SLC10A6: variants seen among roughly 807,000 people sequenced by gnomAD.
SLC10A6 encodes the protein sodium-dependent organic anion transporter.
Under a neutral mutation model 30.0 loss-of-function variants are expected in SLC10A6, and 27 were observed. The observed-to-expected ratio is 0.90, with a 90% CI of 0.66 to 1.24. The LOEUF (loss-of-function observed/expected upper bound fraction) is 1.24, where lower values mean the gene tolerates loss of function less well. Among genes scored for constraint, SLC10A6 ranks in the 50% most tolerant of loss-of-function variants. SLC10A6 has a pLI of 0.00. For synonymous variants in SLC10A6, 166 were observed against 173.8 expected (o/e 0.95, Z 0.36); for missense variants, 439 against 457.0 (o/e 0.96, Z 0.36).
chr4:86,837,280 AAAGAAAAAGAAAGG>A (rs1746208500), intron 1 of SLC10A6, among the ~76,000 whole-genome samples: 4 of 106,656 alleles, frequency 3.8e-5, no homozygotes, highest in East Asian at 2.5e-4. Flanking sequence ...AGAAAGAAAG[AAAGAAAAAGAAAGG>A]AAGGAAGGAA....
At chr4:86,848,604 G>A (rs1746431320) in intron 1 of SLC10A6, 135 bp downstream of exon 1, 1 of 1,186,458 alleles carries the variant, frequency 8.4e-7, no homozygotes, top group African/African-American at 1.5e-5. Flanking sequence ...GGCTGAACAA[G>A]TCTCTGTGAT....
At position 86,823,541 on chromosome 4, in the gene SLC10A6, T is replaced by C. The variant is rs1377897278; in HGVS notation, c.*147A>G. 3.0e-6 allele frequency: 2 copies of C among 662,268 alleles called. No individual in the cohort carries two copies. The highest frequency in any genetic ancestry group is 1.8e-5 in the African/African-American group (1 of 54,754). The allele number at this position is 662,268 out of a possible 1,614,324, so 41.0% of individuals were successfully genotyped here. A position where few individuals can be genotyped will look rare whatever the true frequency, so the allele number is the denominator to read the frequency against. ...TCTCCAAAAGTGATCCCATCACAAT[T>C]CACAATCCACATGAAAATATAAATA... On this transcript the variant is annotated 3_prime_UTR_variant, in exon 6 of 6. Transcript: ENST00000273905.
At position 86,831,807 on chromosome 4, in the gene SLC10A6, G is replaced by A. The variant is rs1257009727; in HGVS notation, c.570C>T (p.Ser190=). The change falls in exon 3 of 6, where the codon TCC becomes TCT. Residue 190 remains serine, a synonymous_variant. Coordinates refer to ENST00000273905, the MANE Select transcript of SLC10A6 (RefSeq NM_197965.3). ...VYVNYRWPKQ[S]KIILKIGAVV... is the part of the protein sequence containing the mutation. ...AGTCACTCACCTTGAGAATGATTTT[G>A]GATTGTTTTGGCCATCTGTAATTCA... The A allele has an allele frequency of 2.5e-6, 4 of 1,612,776 alleles. No homozygotes were observed. The highest frequency in any genetic ancestry group is 3.4e-6 in the Non-Finnish European group (4 of 1,179,334).
chr4:86,823,540 T>A lies in SLC10A6; in HGVS notation c.*148A>T, dbSNP rs1192017241. The A allele has an allele frequency of 3.0e-6, 2 of 656,456 alleles. No homozygotes were observed. Among genetic ancestry groups the A allele is most frequent in the African/African-American group, 3.7e-5 (2 of 54,638 alleles). 40.7% of individuals were successfully genotyped at this position (656,456 alleles called of 1,614,324 possible). On this transcript the variant is annotated 3_prime_UTR_variant, in exon 6 of 6. Coordinates refer to ENST00000273905, the MANE Select transcript of SLC10A6 (RefSeq NM_197965.3). The stretch of plus-strand genomic sequence containing the variant: ...ATCTCCAAAAGTGATCCCATCACAA[T>A]TCACAATCCACATGAAAATATAAAT...
rs775926973 is a variant in SLC10A6 at position 86,848,887 on chromosome 4, C to T, written c.229G>A (p.Gly77Arg). 2.5e-6 allele frequency: 4 copies of T among 1,614,206 alleles called. No homozygotes were observed. The South Asian group carries it at 3.3e-5, about 13-fold the overall frequency. Residue 77 changes from glycine (G) to arginine (R), a missense_variant, in exon 1 of 6, where the codon GGG (glycine) becomes AGG (arginine). Physicochemically the swap from Gly to Arg is moderately radical, Grantham distance 125 (BLOSUM62 -2). Transcript: ENST00000273905. ...AGATAAGCTGTAAAAGGCATGAGCC[C>T]AAACTGGCAGAGCAGTCCCACAGCA... is the stretch of plus-strand genomic sequence containing the variant. ...GIAVGLLCQF[G>R]LMPFTAYLLA...
chr4:86,837,294 G>GAAAGA lies in SLC10A6; in HGVS notation c.378-3871_378-3870insTCTTT, dbSNP rs1560460401. On this transcript the variant is annotated intron_variant, in intron 1 of 5. Coordinates refer to ENST00000273905, the MANE Select transcript of SLC10A6 (RefSeq NM_197965.3). ...AAGAAAGAAAGAAAGAAAAAGAAAG[G>GAAAGA]AAGGAAGGAAGGAAGGAAGGAAGGA... Among the ~76,000 whole-genome samples the GAAAGA allele has an allele frequency of 2.9e-4, 20 of 68,772 alleles. 2 individuals are homozygous for GAAAGA. The South Asian group carries it at 8.6e-3, about 29-fold the overall frequency. 45.1% of individuals were successfully genotyped at this position (68,772 alleles called of 152,430 possible).
At chr4:86,839,827 C>G (rs1746260312) in intron 1 of SLC10A6, among the ~76,000 whole-genome samples, 1 of 152,066 alleles carries the variant, frequency 6.6e-6, no homozygotes, top group Admixed American at 6.6e-5. Context: ...ACAATCTTGC[C>G]TACTCCGGAT....
intron 4 of SLC10A6, among the ~76,000 whole-genome samples, chr4:86,827,155 G>A (rs1746011739): frequency 6.6e-6 from 1 of 152,172 alleles, no homozygotes; most frequent in African/African-American, 2.4e-5. Context: ...AAAAAGATGG[G>A]ATTGTGGACT....
chr4:86,833,947 A>G (rs1161836676), intron 1 of SLC10A6, among the ~76,000 whole-genome samples: 3 of 152,140 alleles, frequency 2.0e-5, no homozygotes, highest in Admixed American at 2.0e-4. Flanking sequence ...TGGACATTTC[A>G]TATCAACAGA....
chr4:86,837,221 G>GAGAGAGAGAA (rs1746201196), intron 1 of SLC10A6, among the ~76,000 whole-genome samples: 2 of 78,612 alleles, frequency 2.5e-5, no homozygotes, highest in African/African-American at 1.5e-4. Flanking sequence ...GAGAGAGAGA[G>GAGAGAGAGAA]AGAGAGAAAG....
At chr4:86,825,382 C>T in intron 5 of SLC10A6, 38 bp downstream of exon 5, 1 of 1,549,546 alleles carries the variant, frequency 6.5e-7, no homozygotes, top group Non-Finnish European at 8.8e-7. Context: ...TGAACAATTT[C>T]CCGTCAGTTA....
intron 3 of SLC10A6, among the ~76,000 whole-genome samples, chr4:86,828,604 C>T (rs1205835160): frequency 1.3e-5 from 2 of 151,936 alleles, no homozygotes; most frequent in East Asian, 3.9e-4. Flanking sequence ...CCCCTCCCAC[C>T]GCCCCTTCAA....
rs759947530 is a variant in SLC10A6 at position 86,848,724 on chromosome 4, C to T, written c.377+15G>A. On this transcript the variant is annotated intron_variant, in intron 1 of 5. Transcript: ENST00000273905. ...GATAAGAGACAGACTGCTGAGCTTCCCTGGGGTTACTTACCTGAGATCCAT... is the reference window on the plus strand; with the variant it reads ...GATAAGAGACAGACTGCTGAGCTTCTCTGGGGTTACTTACCTGAGATCCAT... 8 of 1,562,202 alleles carry T rather than the reference C, an allele frequency of 5.1e-6. No homozygotes were observed. In the African/African-American group the frequency reaches 1.1e-4, roughly 21 times the overall value.
chr4:86,824,559 T>A (rs1745943310), intron 5 of SLC10A6, among the ~76,000 whole-genome samples: 1 of 150,548 alleles, frequency 6.6e-6, no homozygotes, highest in East Asian at 1.9e-4. Context: ...AATATATATG[T>A]GTATGTGAAC....
rs1746254367 is a variant in SLC10A6, at chr4:86,839,457, T to TA, written c.378-6034dup. Among the ~76,000 whole-genome samples the TA allele has an allele frequency of 3.9e-5, 6 of 151,926 alleles. No homozygotes were observed. The South Asian group carries it at 1.0e-3, about 26-fold the overall frequency. ...CAGAAGGAGGCCCTGTCTCTAAAAATAAAAAAAGGAACCTTATAATATACC... is the reference window on the plus strand; with the variant it reads ...CAGAAGGAGGCCCTGTCTCTAAAAATAAAAAAAAGGAACCTTATAATATACC... On this transcript the variant is annotated intron_variant, in intron 1 of 5. Transcript: ENST00000273905.
chr4:86,842,620 C>T (rs1279185060), intron 1 of SLC10A6, among the ~76,000 whole-genome samples: 2 of 151,340 alleles, frequency 1.3e-5, no homozygotes, highest in Non-Finnish European at 2.9e-5. Flanking sequence ...TCACTTGACC[C>T]CAGAAGGCCA....
chr4:86,844,840 G>A (rs1746366666), intron 1 of SLC10A6, among the ~76,000 whole-genome samples: 1 of 152,142 alleles, frequency 6.6e-6, no homozygotes, highest in Admixed American at 6.5e-5. Context: ...AAGGTGAAGG[G>A]GAAGCAAGGA....
chr4:86,845,645 G>A (rs963996296), intron 1 of SLC10A6, among the ~76,000 whole-genome samples: 2 of 152,172 alleles, frequency 1.3e-5, no homozygotes, highest in African/African-American at 2.4e-5. Flanking sequence ...TCATTGTTGT[G>A]AAAATACAAT....
At chr4:86,843,033 G>A (rs1334509459) in intron 1 of SLC10A6, among the ~76,000 whole-genome samples, 1 of 151,568 alleles carries the variant, frequency 6.6e-6, no homozygotes, top group African/African-American at 2.4e-5. Context: ...CACCACACCT[G>A]GCTAATTTTG....
Sources: allele counts gnomAD v4.1 joint callset (sites outside exome capture counted in the v4.1 genomes callset), GRCh38; gene constraint gnomAD v4.1.1; transcripts MANE v1.5; gene names NCBI Gene and HGNC (gene_info 2026-07-23, HGNC 2026-07-21).